Variants in ASIC2 observed in about 807,000 individuals in gnomAD.
ASIC2 encodes the protein acid sensing ion channel subunit 2.
In ASIC2, 25 loss-of-function variants were observed where a neutral mutation model predicts 57.3. That is an observed-to-expected ratio of 0.44 (90% CI 0.32 to 0.61). The LOEUF (loss-of-function observed/expected upper bound fraction) is 0.61. Among genes scored for constraint, ASIC2 ranks in the 20% least tolerant of loss-of-function variants. The pLI, the probability that ASIC2 is intolerant of heterozygous loss-of-function variation, is 0.06. For missense variants in ASIC2, 641 were observed against 738.1 expected (o/e 0.87, Z 1.52); for synonymous variants, 319 against 307.5 (o/e 1.04, Z -0.39).
intron 1 of ASIC2, among the ~76,000 whole-genome samples, chr17:33,624,355 G>A (rs1308790792): frequency 6.6e-6 from 1 of 152,116 alleles, no homozygotes; most frequent in Non-Finnish European, 1.5e-5. Context: ...CATGTCTGTC[G>A]GGAGGTCACC....
chr17:33,757,541 C>T (rs872819), intron 1 of ASIC2, among the ~76,000 whole-genome samples: 19,680 of 152,154 alleles, frequency 0.13, 1,998 homozygotes, highest in East Asian at 0.53. Flanking sequence ...ATCTTTGGAC[C>T]AGCTCCTTAC....
intron 1 of ASIC2, among the ~76,000 whole-genome samples, chr17:34,100,184 GTTTTTT>G (rs35700595): frequency 2.3e-5 from 3 of 130,600 alleles, no homozygotes; most frequent in African/African-American, 3.2e-5. Flanking sequence ...TCTCTTTCTT[GTTTTTT>G]TTTTTTTTTT....
chr17:33,425,460 GC>G (rs1277552607), intron 1 of ASIC2, among the ~76,000 whole-genome samples: 1 of 152,204 alleles, frequency 6.6e-6, no homozygotes, highest in Non-Finnish European at 1.5e-5. Flanking sequence ...TAAAATGTGT[GC>G]AAAAATAACA....
intron 1 of ASIC2, among the ~76,000 whole-genome samples, chr17:33,383,341 C>T (rs1909558770): frequency 6.6e-6 from 1 of 152,124 alleles, no homozygotes; most frequent in Non-Finnish European, 1.5e-5. Context: ...AAAACCATGC[C>T]TTGTCTTCTT....
chr17:33,514,348 C>T (rs1914507511), intron 1 of ASIC2, among the ~76,000 whole-genome samples: 1 of 152,132 alleles, frequency 6.6e-6, no homozygotes, highest in Admixed American at 6.5e-5. Flanking sequence ...CCCTGCCTTG[C>T]TGATCCTCTC....
At chr17:34,017,391 C>T (rs1301700645) in intron 1 of ASIC2, among the ~76,000 whole-genome samples, 4 of 152,188 alleles carry the variant, frequency 2.6e-5, no homozygotes, top group Admixed American at 1.3e-4. Context: ...TCACTATTCC[C>T]TGACACCCAA....
intron 1 of ASIC2, chr17:34,081,969 G>C (rs1054464188): frequency 5.3e-5 from 8 of 152,122 alleles, no homozygotes; most frequent in African/African-American, 1.7e-4. Context: ...TGGCTTTCTG[G>C]TCTCATTTGC....
intron 1 of ASIC2, among the ~76,000 whole-genome samples, chr17:33,497,031 A>G (rs1053577829): frequency 6.6e-6 from 1 of 152,146 alleles, no homozygotes; most frequent in Non-Finnish European, 1.5e-5. Flanking sequence ...CCTAGCCCAC[A>G]GTGGATGCTC....
chr17:33,541,816 C>T (rs550231601), intron 1 of ASIC2, among the ~76,000 whole-genome samples: 1 of 151,984 alleles, frequency 6.6e-6, no homozygotes, highest in South Asian at 2.1e-4. Flanking sequence ...ATCCCAGGTG[C>T]TCTGCTTCCA....
chr17:33,808,271 T>G (rs1594238), intron 1 of ASIC2, among the ~76,000 whole-genome samples: 20,208 of 152,294 alleles, frequency 0.13, 1,433 homozygotes, highest in East Asian at 0.19. Context: ...AGCACCATTT[T>G]TTGAAAAGAT....
At chr17:33,161,719 C>A (rs1905164516) in intron 1 of ASIC2, among the ~76,000 whole-genome samples, 1 of 152,194 alleles carries the variant, frequency 6.6e-6, no homozygotes, top group African/African-American at 2.4e-5. Flanking sequence ...CATCTGATGG[C>A]TGGGGTCTTT....
chr17:33,315,299 C>T (rs1460689120), intron 1 of ASIC2, among the ~76,000 whole-genome samples: 1 of 152,074 alleles, frequency 6.6e-6, no homozygotes, highest in Non-Finnish European at 1.5e-5. Flanking sequence ...AAACAGAACC[C>T]AGGGAGGGAG....
Position 34,083,924 on chromosome 17 carries a change from C to T in ASIC2, c.555+72054G>A, listed in dbSNP as rs910655976. Among the ~76,000 whole-genome samples, 23 of 152,096 alleles carry T rather than the reference C, an allele frequency of 1.5e-4. 1 individual carries two copies. Among genetic ancestry groups the T allele is most frequent in the African/African-American group, 3.9e-4 (16 of 41,458 alleles). On this transcript the variant is annotated intron_variant, in intron 1 of 9. Coordinates refer to the ASIC2 transcript ENST00000359872. ...TTCATTGTGGATTCTGGATATTAGC[C>T]CTTTGTCAGATGAGTAGGTTGTGAA...
intron 1 of ASIC2, among the ~76,000 whole-genome samples, chr17:33,393,689 T>C (rs1395130398): frequency 6.6e-6 from 1 of 152,106 alleles, no homozygotes; most frequent in Non-Finnish European, 1.5e-5. Context: ...GAAGTTCCAG[T>C]TGGTGATCTA....
intron 1 of ASIC2, among the ~76,000 whole-genome samples, chr17:34,110,989 C>T (rs920413628): frequency 3.3e-5 from 5 of 152,038 alleles, no homozygotes; most frequent in Non-Finnish European, 7.4e-5. Context: ...CTTGGGAGGA[C>T]GAGGCTGGTG....
intron 1 of ASIC2, among the ~76,000 whole-genome samples, chr17:33,425,389 A>G (rs573046403): frequency 1.3e-4 from 20 of 152,384 alleles, no homozygotes; most frequent in African/African-American, 4.6e-4. Flanking sequence ...GTCTCTGTAG[A>G]GTACAGACAG....
chr17:33,915,942 A>G, intron 1 of ASIC2, among the ~76,000 whole-genome samples: 1 of 152,200 alleles, frequency 6.6e-6, no homozygotes, highest in East Asian at 1.9e-4. Flanking sequence ...TGTCCAGCAC[A>G]CTGTGAGGAA....
In ASIC2 at chr17:33,160,809, G is replaced by C. The variant is rs529326826; in HGVS notation, c.709-48742C>G. ...TGGCCTGTGGAGTGCTGTTCATGGC[G>C]GGGGGAGAGGCCCTGGGACAATTCA... On this transcript the variant is annotated intron_variant, in intron 1 of 9. Transcript: ENST00000225823. Among the ~76,000 whole-genome samples the C allele has an allele frequency of 6.6e-5, 10 of 152,160 alleles. No homozygotes were observed. In the East Asian group the frequency reaches 1.2e-3, roughly 18 times the overall value.
chr17:33,501,485 C>T (rs1258941254), intron 1 of ASIC2, among the ~76,000 whole-genome samples: 1 of 152,190 alleles, frequency 6.6e-6, no homozygotes, highest in East Asian at 1.9e-4. Flanking sequence ...TAAAACAACT[C>T]GCTTGAAGTC....
Sources: gnomAD v4.1 joint callset for allele counts (sites outside exome capture counted in the v4.1 genomes callset) on GRCh38, gnomAD v4.1.1 for gene constraint, MANE v1.5 for transcripts, NCBI Gene and HGNC (gene_info 2026-07-23, HGNC 2026-07-21) for gene names.